RNPC3: variants seen among roughly 807,000 people sequenced by gnomAD.
RNPC3 encodes the protein RNA-binding region-containing protein 3.
Under a neutral mutation model 67.5 loss-of-function variants are expected in RNPC3, and 48 were observed. The ratio of observed to expected loss-of-function variants is 0.71; its 90% CI spans 0.56 to 0.90. RNPC3 has a LOEUF of 0.90. Ranked by LOEUF, RNPC3 falls within the 40% of genes least tolerant of loss-of-function variation. The pLI is 0.00. For synonymous variants in RNPC3, 239 were observed against 210.3 expected, an observed-to-expected ratio of 1.14 and a Z score of -1.18; for missense variants, 637 against 626.1, an observed-to-expected ratio of 1.02 and a Z score of -0.19.
chr1:103,552,778 AT>A (rs1341060792), intron 14 of RNPC3: 3 of 152,098 alleles, frequency 2.0e-5, no homozygotes, highest in African/African-American at 7.2e-5. Context: ...AAAAAAAAAA[AT>A]CTACAGTGCT....
At chr1:103,544,902 A>C in intron 9 of RNPC3, 39 bp from the exon 10 acceptor site, 2 of 1,346,602 alleles carry the variant, frequency 1.5e-6, no homozygotes, top group Non-Finnish European at 2.0e-6. Context: ...TTTTTAAAGG[A>C]GAGATTCTTA....
intron 12 of RNPC3, among the ~76,000 whole-genome samples, chr1:103,548,992 G>A (rs1395209070): frequency 6.6e-6 from 1 of 152,114 alleles, no homozygotes; most frequent in Non-Finnish European, 1.5e-5. Context: ...CAAACCTTGT[G>A]AGACTCATGT....
chr1:103,548,742 C>A (rs1005592971), intron 12 of RNPC3, among the ~76,000 whole-genome samples: 1 of 152,142 alleles, frequency 6.6e-6, no homozygotes, highest in Non-Finnish European at 1.5e-5. Flanking sequence ...TCAGCAGTAT[C>A]CCACTTTACT....
intron 13 of RNPC3, 108 bp from the exon 14 acceptor site, chr1:103,551,613 G>A: frequency 1.7e-6 from 1 of 600,354 alleles, no homozygotes; most frequent in Non-Finnish European, 2.9e-6. Flanking sequence ...AGGCACTCAA[G>A]GTAAATTAAA....
intron 12 of RNPC3, among the ~76,000 whole-genome samples, chr1:103,550,232 CCTTT>C (rs1651353619): frequency 6.6e-6 from 1 of 151,784 alleles, no homozygotes; most frequent in African/African-American, 2.4e-5. Context: ...GGCTGTTAAT[CCTTT>C]CTATTTTTCC....
intron 2 of RNPC3, among the ~76,000 whole-genome samples, chr1:103,532,917 T>A (rs1650893761): frequency 6.6e-6 from 1 of 152,040 alleles, no homozygotes; most frequent in African/African-American, 2.4e-5. Flanking sequence ...ATAGAGGGTT[T>A]AGATAGCTTG....
intron 9 of RNPC3, among the ~76,000 whole-genome samples, chr1:103,544,689 G>A (rs953187456): frequency 6.6e-6 from 1 of 151,144 alleles, no homozygotes; most frequent in African/African-American, 2.4e-5. Flanking sequence ...TTTTTAGTGT[G>A]TTTATTTAAC....
At chr1:103,531,225 A>G (rs1650850891) in intron 2 of RNPC3, among the ~76,000 whole-genome samples, 1 of 152,142 alleles carries the variant, frequency 6.6e-6, no homozygotes, top group Non-Finnish European at 1.5e-5. Flanking sequence ...TATATATACC[A>G]TAATTTCTTT....
intron 6 of RNPC3, 92 bp from the exon 7 acceptor site, chr1:103,537,250 T>A: frequency 1.2e-6 from 1 of 847,376 alleles, no homozygotes; most frequent in Non-Finnish European, 1.7e-6. Context: ...AAAAAGACCA[T>A]GTGATAGAAA....
rs142885038 is a variant in RNPC3 at position 103,547,156 on chromosome 1, A to G, written c.1361+121A>G. 687 of 570,848 alleles carry G rather than the reference A, an allele frequency of 1.2e-3. 9 individuals carry two copies. The East Asian group carries it at 0.02, about 16-fold the overall frequency. The allele number at this position is 570,848 out of a possible 1,614,324, so 35.4% of individuals were successfully genotyped here. On this transcript the variant is annotated intron_variant, in intron 12 of 14. Coordinates refer to ENST00000423855, the MANE Select transcript of RNPC3 (RefSeq NM_017619.4). ...AAAAATTATATGAAAAAGTTCGTCT[A>G]TTCTGTTGCACAATTAATCTTTTAG...
Position 103,541,387 on chromosome 1 carries a change from A to C in RNPC3, c.805A>C (p.Lys269Gln). Residue 269 changes from lysine (K) to glutamine (Q), a missense_variant, in exon 8 of 15, where the codon AAA becomes CAA. By Grantham distance (53) the Lys-to-Gln change is moderately conservative (BLOSUM62 1). Transcript: ENST00000423855. ...AATGGAACTAGCAAATCTTCAGCCCAAAAGACCTAAAACAATAAAGCAGCG... is the reference window on the plus strand; with the variant it reads ...AATGGAACTAGCAAATCTTCAGCCCCAAAGACCTAAAACAATAAAGCAGCG... ...KLMELANLQPKRPKTIKQRHV... is the reference protein window; with the variant it reads ...KLMELANLQPQRPKTIKQRHV... 2 of 1,507,622 alleles carry C rather than the reference A, an allele frequency of 1.3e-6. No individual in the cohort carries two copies. Among genetic ancestry groups the C allele is most frequent in the Non-Finnish European group, 8.8e-7 (1 of 1,136,652 alleles). 93.4% of individuals were successfully genotyped at this position (1,507,622 alleles called of 1,614,324 possible).
Position 103,549,001 on chromosome 1 carries a change from G to T in RNPC3, c.1362-1940G>T, listed in dbSNP as rs900513858. On this transcript the variant is annotated intron_variant, in intron 12 of 14. Transcript: ENST00000423855. Reference sequence around the variant, plus strand: ...AACCATCAAACCTTGTGAGACTCATGTACTATCATGAGAACACAGGAAAGA... The same window carrying T: ...AACCATCAAACCTTGTGAGACTCATTTACTATCATGAGAACACAGGAAAGA... 3.9e-5 allele frequency among the ~76,000 whole-genome samples: 6 copies of T among 152,216 alleles called. No homozygotes were observed. The South Asian group carries it at 1.2e-3, about 32-fold the overall frequency.
intron 7 of RNPC3, among the ~76,000 whole-genome samples, chr1:103,538,657 C>T (rs889351218): frequency 1.3e-5 from 2 of 152,148 alleles, no homozygotes; most frequent in Non-Finnish European, 2.9e-5. Context: ...TTTATGGTAA[C>T]CTTAGAACAT....
intron 12 of RNPC3, among the ~76,000 whole-genome samples, chr1:103,550,095 T>C (rs1231216469): frequency 2.0e-5 from 3 of 151,228 alleles, no homozygotes; most frequent in Non-Finnish European, 4.4e-5. Flanking sequence ...ACCCAGGAGG[T>C]GGAGGTTGCA....
intron 3 of RNPC3, among the ~76,000 whole-genome samples, chr1:103,534,381 G>A (rs1389551101): frequency 1.3e-5 from 2 of 152,120 alleles, no homozygotes; most frequent in East Asian, 1.9e-4. Flanking sequence ...GGAAAATGTT[G>A]TAGAAGTCTA....
In RNPC3 at chr1:103,525,934, A is replaced by T; in HGVS notation, c.-137A>T. 1.4e-6 allele frequency: 1 copy of T among 703,086 alleles called. No homozygotes were observed. Among genetic ancestry groups the T allele is most frequent in the South Asian group, 2.0e-5 (1 of 50,508 alleles). The allele number at this position is 703,086 out of a possible 1,614,324, so 43.6% of individuals were successfully genotyped here. A position where few individuals can be genotyped will look rare whatever the true frequency, so the allele number is the denominator to read the frequency against. ...GTGGCGCAGTTCTCGCGAGAAGGTG[A>T]CTTTCTTTCTCGGTATTTCCTGGTT... is the stretch of plus-strand genomic sequence containing the variant. On this transcript the variant is annotated 5_prime_UTR_variant, in exon 1 of 15. Coordinates refer to ENST00000423855, the MANE Select transcript of RNPC3 (RefSeq NM_017619.4).
chr1:103,548,882 C>T (rs1262813008), intron 12 of RNPC3, among the ~76,000 whole-genome samples: 2 of 152,178 alleles, frequency 1.3e-5, no homozygotes, highest in Non-Finnish European at 2.9e-5. Flanking sequence ...GCCTCACAAT[C>T]GTGGCGGAGG....
rs1411932488 is a variant in RNPC3, at chr1:103,527,742, G to A, written c.240G>A (p.Lys80=). 1 of 1,544,950 alleles carries A rather than the reference G, an allele frequency of 6.5e-7. No individual in the cohort carries two copies. Among genetic ancestry groups the A allele is most frequent in the Non-Finnish European group, 8.8e-7 (1 of 1,141,884 alleles). Residue 80 remains lysine, a splice_region_variant and synonymous_variant, in exon 2 of 15, where the codon AAG becomes AAA. Coordinates refer to ENST00000423855, the MANE Select transcript of RNPC3 (RefSeq NM_017619.4). The stretch of plus-strand genomic sequence containing the variant: ...TCCCTAATGAAAAAGCAGCTATAAA[G>A]GTATGACTTTTTCTTGACGATTAAA... ...ATFPNEKAAI[K]ALTRLHQLKL... is the part of the protein sequence containing the mutation.
chr1:103,533,840 C>A lies in RNPC3; in HGVS notation c.342C>A (p.Gly114=). The A allele has an allele frequency of 6.7e-7, 1 of 1,493,768 alleles. No individual in the cohort carries two copies. The highest frequency in any genetic ancestry group is 1.2e-5 in the South Asian group (1 of 82,098). 92.5% of individuals were successfully genotyped at this position (1,493,768 alleles called of 1,614,324 possible). ...DRVHSPCPTS[G]SEKKKRSDDP... is the part of the protein sequence containing the mutation. ...TTCACTCCCCATGTCCCACTTCAGGCTCTGAAAAAAAAAAAAGGTATGTAG... is the reference window on the plus strand; with the variant it reads ...TTCACTCCCCATGTCCCACTTCAGGATCTGAAAAAAAAAAAAGGTATGTAG... The change falls in exon 3 of 15, where the codon GGC becomes GGA. Residue 114 remains glycine, a synonymous_variant. Transcript: ENST00000423855.
Sources: allele counts gnomAD v4.1 joint callset (sites outside exome capture counted in the v4.1 genomes callset), GRCh38; gene constraint gnomAD v4.1.1; transcripts MANE v1.5; gene names NCBI Gene and HGNC (gene_info 2026-07-23, HGNC 2026-07-21).